PDE1A: variants seen among roughly 807,000 people sequenced by gnomAD.
The protein encoded by PDE1A is dual specificity calcium/calmodulin-dependent 3',5'-cyclic nucleotide phosphodiesterase 1A.
Under a neutral mutation model 61.7 loss-of-function variants are expected in PDE1A, and 35 were observed. The ratio of observed to expected loss-of-function variants is 0.57; its 90% CI spans 0.43 to 0.75. The LOEUF is 0.75. Ranked by LOEUF, PDE1A falls within the 30% of genes least tolerant of loss-of-function variation. PDE1A has a pLI of 0.00. For missense variants in PDE1A, 597 were observed against 630.6 expected, an observed-to-expected ratio of 0.95 and a Z score of 0.57; for synonymous variants, 232 against 213.2, an observed-to-expected ratio of 1.09 and a Z score of -0.77.
intron 1 of PDE1A, among the ~76,000 whole-genome samples, chr2:182,341,308 T>C (rs992546924): frequency 1.3e-5 from 2 of 152,182 alleles, no homozygotes; most frequent in Admixed American, 1.3e-4. Flanking sequence ...TAACTCCTCA[T>C]CCACAGCATC....
intron 2 of PDE1A, among the ~76,000 whole-genome samples, chr2:182,455,419 AG>A (rs576686405): frequency 0.014 from 2,173 of 152,224 alleles, 85 homozygotes; most frequent in East Asian, 0.11. Flanking sequence ...ATATATCCAA[AG>A]GATTATAAAT....
At chr2:182,393,752 A>G (rs553964070) in intron 1 of PDE1A, among the ~76,000 whole-genome samples, 7 of 152,338 alleles carry the variant, frequency 4.6e-5, no homozygotes, top group African/African-American at 1.2e-4. Flanking sequence ...TTAAGTTCAA[A>G]ATTCCACAGA....
chr2:182,414,524 G>A (rs908481701), intron 1 of PDE1A, among the ~76,000 whole-genome samples: 9 of 152,212 alleles, frequency 5.9e-5, no homozygotes, highest in South Asian at 2.1e-4. Flanking sequence ...CATAGTAACT[G>A]GCATAAACAC....
intron 2 of PDE1A, among the ~76,000 whole-genome samples, chr2:182,458,882 G>A (rs1686092382): frequency 6.6e-6 from 1 of 152,022 alleles, no homozygotes; most frequent in Non-Finnish European, 1.5e-5. Context: ...ACCGATAACT[G>A]TGCCAATCCA....
chr2:182,293,272 C>T lies in PDE1A; in HGVS notation c.54-28858G>A, dbSNP rs901326406. 2.6e-5 allele frequency among the ~76,000 whole-genome samples: 4 copies of T among 151,990 alleles called. No individual in the cohort carries two copies. In the East Asian group the frequency reaches 7.7e-4, roughly 29 times the overall value. ...AAAGTAAAAGGATGGAATTTCCAGA[C>T]AACAAATAACGCAACAACCCTTGTA... On this transcript the variant is annotated intron_variant, in intron 1 of 13. Coordinates refer to ENST00000351439, the Ensembl canonical transcript of PDE1A.
chr2:182,636,081 G>A, the PDE1A span, among the ~76,000 whole-genome samples: 9 of 148,464 alleles, frequency 6.1e-5, no homozygotes, highest in African/African-American at 1.7e-4. Flanking sequence ...TCAGGCTCCC[G>A]AGTAGCTGGG....
intron 1 of PDE1A, among the ~76,000 whole-genome samples, chr2:182,356,963 T>C (rs1699219875): frequency 6.6e-6 from 1 of 151,896 alleles, no homozygotes; most frequent in African/African-American, 2.4e-5. Flanking sequence ...TTCTCACTCA[T>C]AGGTGGGAAT....
chr2:182,140,168 T>A (rs544358800), exon 15 of PDE1A: 1 of 152,322 alleles, frequency 6.6e-6, no homozygotes, highest in East Asian at 1.9e-4. Context: ...TTGCAACTGG[T>A]TACTTTTTTA....
At chr2:182,439,859 A>G (rs1243027840) in intron 2 of PDE1A, among the ~76,000 whole-genome samples, 1 of 152,106 alleles carries the variant, frequency 6.6e-6, no homozygotes, top group Non-Finnish European at 1.5e-5. Context: ...ACCTGTTTAC[A>G]TGACAACATT....
intron 13 of PDE1A, among the ~76,000 whole-genome samples, chr2:182,159,831 T>C (rs927622893): frequency 6.6e-6 from 1 of 152,162 alleles, no homozygotes; most frequent in African/African-American, 2.4e-5. Flanking sequence ...TGTGTGTCTG[T>C]AGTCCTAGCT....
intron 1 of PDE1A, among the ~76,000 whole-genome samples, chr2:182,363,859 G>A (rs114992062): frequency 2.0e-3 from 301 of 152,032 alleles, no homozygotes; most frequent in African/African-American, 6.8e-3. Flanking sequence ...TGTGTACCAC[G>A]AACTATGCAT....
At chr2:182,172,232 C>G (rs1692291902) in intron 13 of PDE1A, among the ~76,000 whole-genome samples, 1 of 151,948 alleles carries the variant, frequency 6.6e-6, no homozygotes, top group Non-Finnish European at 1.5e-5. Context: ...AGCAAACTTT[C>G]TTCTAATCAA....
chr2:182,562,934 AT>A, the PDE1A span, among the ~76,000 whole-genome samples: 16 of 151,938 alleles, frequency 1.1e-4, no homozygotes, highest in South Asian at 3.1e-3. Context: ...TGTCTATTTG[AT>A]TCTTTGCTCT....
chr2:182,478,876 T>C lies in PDE1A; in HGVS notation c.101+43400A>G, dbSNP rs373903885. On this transcript the variant is annotated intron_variant, in intron 2 of 14. Transcript: ENST00000410103. ...AATCTAGCTTATGACTTTAAAAAGG[T>C]TACTAGACCCCTTAATCTGGCCTTG... Among the ~76,000 whole-genome samples, 169 of 151,990 alleles carry C rather than the reference T, an allele frequency of 1.1e-3. 9 individuals are homozygous for C. In the South Asian group the frequency reaches 0.032, roughly 29 times the overall value.
intron 1 of PDE1A, among the ~76,000 whole-genome samples, chr2:182,426,009 C>G (rs1348178809): frequency 6.6e-6 from 1 of 152,132 alleles, no homozygotes; most frequent in Non-Finnish European, 1.5e-5. Flanking sequence ...TAGCTCAATC[C>G]ATTATACTGT....
At chr2:182,146,708 A>T (rs1264913673), downstream of PDE1A, among the ~76,000 whole-genome samples, 1 of 150,826 alleles carries the variant, frequency 6.6e-6, no homozygotes, top group Non-Finnish European at 1.5e-5. Flanking sequence ...CTGGTCTCAA[A>T]CTCCTGACCT....
At chr2:182,705,630 C>T in the PDE1A span, among the ~76,000 whole-genome samples, 1 of 152,128 alleles carries the variant, frequency 6.6e-6, no homozygotes, top group African/African-American at 2.4e-5. Context: ...TCTTCTGCCT[C>T]AGCTTCCCAA....
intron 1 of PDE1A, among the ~76,000 whole-genome samples, chr2:182,374,313 T>C (rs946860813): frequency 1.3e-5 from 2 of 152,016 alleles, no homozygotes. Context: ...CCTCACACCA[T>C]AGATAAGAAT....
chr2:182,149,570 G>A lies in PDE1A; in HGVS notation c.1517-2418C>T, dbSNP rs141397417. On this transcript the variant is annotated intron_variant, in intron 13 of 13. Transcript: ENST00000409365. ...AATTTCATGACAGCCAGATAGCAGA[G>A]TCCTCAGCAAATCCAAATTACATTA... 1.2e-3 allele frequency among the ~76,000 whole-genome samples: 177 copies of A among 152,226 alleles called. 2 individuals are homozygous for A. The East Asian group carries it at 0.027, about 23-fold the overall frequency.
Sources: gnomAD v4.1 joint callset for allele counts (sites outside exome capture counted in the v4.1 genomes callset) on GRCh38, gnomAD v4.1.1 for gene constraint, MANE v1.5 for transcripts, NCBI Gene and HGNC (gene_info 2026-07-23, HGNC 2026-07-21) for gene names.